The following IHO1 variants were observed in gnomAD, a reference collection of about 807,000 sequenced individuals.
The protein encoded by IHO1 is interactor of HORMAD1 1.
A neutral mutation model predicts 31.0 loss-of-function variants in IHO1; 13 were observed. The ratio of observed to expected loss-of-function variants is 0.42; its 90% CI spans 0.27 to 0.67. The LOEUF (loss-of-function observed/expected upper bound fraction) is 0.67, where lower values mean the gene tolerates loss of function less well. Among genes scored for constraint, IHO1 ranks in the 30% least tolerant of loss-of-function variants. The pLI, the probability that IHO1 is intolerant of heterozygous loss-of-function variation, is 0.24. For synonymous variants in IHO1, 221 were observed against 248.4 expected (o/e 0.89, Z 1.04); for missense variants, 599 against 687.5 (o/e 0.87, Z 1.44).
intron 6 of IHO1, among the ~76,000 whole-genome samples, chr3:49,250,704 C>A (rs190743682): frequency 9.2e-5 from 14 of 152,164 alleles, no homozygotes; most frequent in African/African-American, 3.4e-4. Context: ...GAACTTGTAC[C>A]TGTGGTGAGA....
intron 6 of IHO1, 124 bp from the exon 7 acceptor site, chr3:49,255,266 T>C (rs975844561): frequency 4.9e-6 from 3 of 611,166 alleles, no homozygotes; most frequent in Non-Finnish European, 5.6e-6. Context: ...AAGGAGAGCC[T>C]GGAGGAACCA....
intron 2 of IHO1, among the ~76,000 whole-genome samples, chr3:49,222,000 C>T (rs1170984978): frequency 2.0e-5 from 3 of 152,208 alleles, no homozygotes; most frequent in Non-Finnish European, 4.4e-5. Context: ...CAGAGTCCTC[C>T]TTTCTCAGCA....
intron 6 of IHO1, among the ~76,000 whole-genome samples, chr3:49,247,247 T>G (rs187021056): frequency 0.018 from 2,746 of 151,056 alleles, 88 homozygotes; most frequent in African/African-American, 0.063. Flanking sequence ...TTTGTTTTTT[T>G]GAGATGGAGT....
intron 2 of IHO1, among the ~76,000 whole-genome samples, chr3:49,235,384 G>T (rs969006515): frequency 6.6e-6 from 1 of 150,918 alleles, no homozygotes; most frequent in African/African-American, 2.4e-5. Context: ...CCACCATCAG[G>T]CCTGGCTAAT....
chr3:49,219,087 TC>T, intron 2 of IHO1, among the ~76,000 whole-genome samples: 1 of 152,266 alleles, frequency 6.6e-6, no homozygotes, highest in Non-Finnish European at 1.5e-5. Context: ...GGCGGATGCA[TC>T]ACTTGAGGTC....
chr3:49,249,216 C>T (rs972285034), intron 6 of IHO1, among the ~76,000 whole-genome samples: 2 of 152,076 alleles, frequency 1.3e-5, no homozygotes, highest in African/African-American at 4.8e-5. Flanking sequence ...TACTACTTTA[C>T]CTCATATGTT....
chr3:49,207,047 CAAAAAAAAAAA>C (rs71077775), intron 1 of IHO1, among the ~76,000 whole-genome samples: 1 of 48,744 alleles, frequency 2.1e-5, no homozygotes, highest in African/African-American at 7.8e-5. Flanking sequence ...GACTCTGTCT[CAAAAAAAAAAA>C]AAAAAAAAAG....
chr3:49,217,365 A>G (rs1451165950), intron 2 of IHO1, among the ~76,000 whole-genome samples: 1 of 152,016 alleles, frequency 6.6e-6, no homozygotes, highest in Non-Finnish European at 1.5e-5. Context: ...GGAAACCATC[A>G]TTCTAAGCAA....
In IHO1 at chr3:49,212,515, CAAAA is replaced by C. The variant is rs1201035345; in HGVS notation, c.56+693_56+696del. Among the ~76,000 whole-genome samples, 170 of 75,234 alleles carry C rather than the reference CAAAA, an allele frequency of 2.3e-3. 1 individual carries two copies. The highest frequency in any genetic ancestry group is 0.018 in the Admixed American group (122 of 6,914). The allele number at this position is 75,234 out of a possible 152,430, so 49.4% of individuals were successfully genotyped here. Reference sequence around the variant, plus strand: ...TGGGCAACAGAGTGAGACTCAATCTCAAAAAAAAAAAAAAAAAGAGGGTTCCCTT... The same window carrying C: ...TGGGCAACAGAGTGAGACTCAATCTCAAAAAAAAAAAAAGAGGGTTCCCTT... On this transcript the variant is annotated intron_variant, in intron 2 of 7. Transcript: ENST00000452691.
intron 6 of IHO1, among the ~76,000 whole-genome samples, chr3:49,247,037 C>CG (rs1329342805): frequency 2.0e-5 from 3 of 151,620 alleles, no homozygotes; most frequent in South Asian, 4.2e-4. Flanking sequence ...TTAGTAGAGA[C>CG]GGGGTTTCAC....
At chr3:49,255,531 G>T in intron 7 of IHO1, 38 bp downstream of exon 7, 1 of 1,285,144 alleles carries the variant, frequency 7.8e-7, no homozygotes, top group Non-Finnish European at 1.1e-6. Flanking sequence ...AGTGTGTTTT[G>T]GGCTTTGAAC....
At position 49,256,472 on chromosome 3, in the gene IHO1, A is replaced by T. The variant is rs759238263; in HGVS notation, c.975A>T (p.Ala325=). 23 of 1,614,074 alleles carry T rather than the reference A, an allele frequency of 1.4e-5. No homozygotes were observed. The highest frequency in any genetic ancestry group is 1.8e-5 in the Non-Finnish European group (21 of 1,180,038). The change falls in exon 8 of 8, where the codon GCA becomes GCT. Residue 325 remains alanine, a synonymous_variant. Transcript: ENST00000452691. This position sits in a 1 kb window ranked among gnomAD's most constrained non-coding sequence, Gnocchi z 4.6. The stretch of plus-strand genomic sequence containing the variant: ...AATTTGATGTCTGGGGTGAAGGAGC[A>T]AAGAATGATGATCTCCAAGAAGAGG... ...PGEFDVWGEG[A]KNDDLQEEAA... is the part of the protein sequence containing the mutation.
In IHO1 at chr3:49,257,636, T is replaced by C. The variant is rs1402430236; in HGVS notation, c.*354T>C. ...TGTAGCAGAAGGGCTCTCATAAAAC[T>C]GTTGCGGTGGCAGCATGACTCCAAA... On this transcript the variant is annotated 3_prime_UTR_variant, in exon 8 of 8. Coordinates refer to ENST00000452691, the MANE Select transcript of IHO1 (RefSeq NM_001135197.2). 5.2e-6 allele frequency: 1 copy of C among 194,022 alleles called. No individual in the cohort carries two copies. The highest frequency in any genetic ancestry group is 1.1e-5 in the Non-Finnish European group (1 of 94,594). The allele number at this position is 194,022 out of a possible 1,614,324, so 12.0% of individuals were successfully genotyped here. A position where few individuals can be genotyped will look rare whatever the true frequency, so the allele number is the denominator to read the frequency against.
intron 2 of IHO1, among the ~76,000 whole-genome samples, chr3:49,222,419 A>G (rs2046364554): frequency 6.6e-6 from 1 of 152,038 alleles, no homozygotes; most frequent in Non-Finnish European, 1.5e-5. Flanking sequence ...AGTAAATAGG[A>G]AGGTAAGGAG....
chr3:49,230,659 G>A lies in IHO1; in HGVS notation c.57-5889G>A, dbSNP rs963653347. Among the ~76,000 whole-genome samples, 4 of 152,222 alleles carry A rather than the reference G, an allele frequency of 2.6e-5. No individual in the cohort carries two copies. The South Asian group carries it at 6.2e-4, about 24-fold the overall frequency. On this transcript the variant is annotated intron_variant, in intron 2 of 7. Coordinates refer to ENST00000452691, the MANE Select transcript of IHO1 (RefSeq NM_001135197.2). ...AATGTTATGACCACTTGCAAAATTCGATTTCTCACACTGGTTTATTTATAG... is the reference window on the plus strand; with the variant it reads ...AATGTTATGACCACTTGCAAAATTCAATTTCTCACACTGGTTTATTTATAG...
intron 2 of IHO1, among the ~76,000 whole-genome samples, chr3:49,218,299 C>T (rs1454276157): frequency 6.6e-6 from 1 of 151,872 alleles, no homozygotes; most frequent in African/African-American, 2.4e-5. Context: ...GCATGCCCAC[C>T]ATGTCAAGCC....
chr3:49,257,577 G>GC lies in IHO1; in HGVS notation c.*296dup. 3.0e-6 allele frequency: 1 copy of GC among 334,636 alleles called. No homozygotes were observed. The highest frequency in any genetic ancestry group is 6.3e-5 in the East Asian group (1 of 15,980). 20.7% of individuals were successfully genotyped at this position (334,636 alleles called of 1,614,324 possible). A position where few individuals can be genotyped will look rare whatever the true frequency, so the allele number is the denominator to read the frequency against. On this transcript the variant is annotated 3_prime_UTR_variant, in exon 8 of 8. Coordinates refer to ENST00000452691, the MANE Select transcript of IHO1 (RefSeq NM_001135197.2). ...TCTGGAGCAGGGTGCCTGTACTTTG[G>GC]CGAAAGGCAGGCAGGCCTCCTTATG...
At position 49,257,352 on chromosome 3, in the gene IHO1, C is replaced by A; in HGVS notation, c.*70C>A. ...GCAGGACATTTGGGCTGGCCAACAG[C>A]AGAAAGTCCCTGAAGCCTGCCAAGT... On this transcript the variant is annotated 3_prime_UTR_variant, in exon 8 of 8. Transcript: ENST00000452691. 1.4e-6 allele frequency: 2 copies of A among 1,468,628 alleles called. No homozygotes were observed. Among genetic ancestry groups the A allele is most frequent in the Non-Finnish European group, 9.3e-7 (1 of 1,072,454 alleles). 91.0% of individuals were successfully genotyped at this position (1,468,628 alleles called of 1,614,324 possible).
chr3:49,212,386 T>C (rs113748673), intron 2 of IHO1, among the ~76,000 whole-genome samples: 1,716 of 149,144 alleles, frequency 0.012, 28 homozygotes, highest in South Asian at 0.012. Flanking sequence ...CAAGGTGGTG[T>C]GCACCTGTAA....
Sources: allele counts gnomAD v4.1 joint callset (sites outside exome capture counted in the v4.1 genomes callset), GRCh38; gene constraint gnomAD v4.1.1; non-coding constraint Gnocchi (gnomAD v3.1); transcripts MANE v1.5; gene names NCBI Gene and HGNC (gene_info 2026-07-23, HGNC 2026-07-21).